NOPCHAP1: variants seen among roughly 807,000 people sequenced by gnomAD.
NOPCHAP1 encodes the protein NOP protein chaperone 1.
Under a neutral mutation model 14.0 loss-of-function variants are expected in NOPCHAP1, and 13 were observed. That is an observed-to-expected ratio of 0.93 (90% CI 0.60 to 1.47). The LOEUF (loss-of-function observed/expected upper bound fraction) is 1.47. NOPCHAP1 is among the 40% of genes most tolerant of loss of function. The pLI is 0.00. For synonymous variants in NOPCHAP1, 78 were observed against 78.4 expected (o/e 1.00, Z 0.03); for missense variants, 230 against 226.9 (o/e 1.01, Z -0.09).
rs774796821 is a variant in NOPCHAP1, at chr12:104,995,847, ATT to A, written c.*1164_*1165del. 5.6e-5 allele frequency: 8 copies of A among 143,452 alleles called. No individual in the cohort carries two copies. Among genetic ancestry groups the A allele is most frequent in the Non-Finnish European group, 1.1e-4 (7 of 65,340 alleles). The allele number at this position is 143,452 out of a possible 1,614,324, so 8.9% of individuals were successfully genotyped here. On this transcript the variant is annotated 3_prime_UTR_variant, in exon 4 of 4. Transcript: ENST00000552951. ...AGGCGCCCACCACCATGCCCGGCTA[ATT>A]TTTTTTTTTTTTGTATTTTTAGTAG...
Position 104,999,918 on chromosome 12 carries a change from T to C in NOPCHAP1, c.*5222T>C, listed in dbSNP as rs1468156571. The C allele has an allele frequency of 6.6e-6, 1 of 152,268 alleles. No individual in the cohort carries two copies. The highest frequency in any genetic ancestry group is 2.4e-5 in the African/African-American group (1 of 41,460). 9.4% of individuals were successfully genotyped at this position (152,268 alleles called of 1,614,324 possible). ...GTGTCTTCCCTTCATCCACTCTCAG[T>C]GCCCTCCCTCTGAAGATCTGCTGGG... On this transcript the variant is annotated 3_prime_UTR_variant, in exon 4 of 4. Transcript: ENST00000552951.
At chr12:104,989,358 T>C (rs1873323989) in intron 2 of NOPCHAP1, among the ~76,000 whole-genome samples, 1 of 152,240 alleles carries the variant, frequency 6.6e-6, no homozygotes, top group African/African-American at 2.4e-5. Flanking sequence ...AGTATTTTGC[T>C]TTCAGTTTTT....
In NOPCHAP1 at chr12:105,014,933, G is replaced by A. The variant is rs965569578; in HGVS notation, c.*20237G>A. ...AGCCTGACTTTTGCTCAGGAAAGAG[G>A]CCTGAGAATTTAAGGACTATCTGTG... On this transcript the variant is annotated 3_prime_UTR_variant, in exon 4 of 4. Coordinates refer to ENST00000552951, the MANE Select transcript of NOPCHAP1 (RefSeq NM_152318.3). 1.3e-5 allele frequency: 2 copies of A among 152,152 alleles called. No homozygotes were observed. The highest frequency in any genetic ancestry group is 2.4e-5 in the African/African-American group (1 of 41,432). 9.4% of individuals were successfully genotyped at this position (152,152 alleles called of 1,614,324 possible).
Position 105,008,020 on chromosome 12 carries a change from A to G in NOPCHAP1, c.*13324A>G, listed in dbSNP as rs1238617975. ...TAATCCTTTGGATATATACCCAGTA[A>G]TGGGATTGCTGGGTTAAATGGTATT... is the stretch of plus-strand genomic sequence containing the variant. On this transcript the variant is annotated 3_prime_UTR_variant, in exon 4 of 4. Transcript: ENST00000552951. 6.6e-6 allele frequency: 1 copy of G among 152,204 alleles called. No homozygotes were observed. Among genetic ancestry groups the G allele is most frequent in the African/African-American group, 2.4e-5 (1 of 41,432 alleles). The allele number at this position is 152,204 out of a possible 1,614,324, so 9.4% of individuals were successfully genotyped here.
In NOPCHAP1 at chr12:105,007,464, A is replaced by C. The variant is rs1873729656; in HGVS notation, c.*12768A>C. ...TGGAAGAAATTCCAACATCACTAGT[A>C]GCACTTTATATGGTTCCTACCTATG... On this transcript the variant is annotated 3_prime_UTR_variant, in exon 4 of 4. Coordinates refer to ENST00000552951, the MANE Select transcript of NOPCHAP1 (RefSeq NM_152318.3). 6.6e-6 allele frequency: 1 copy of C among 152,204 alleles called. No individual in the cohort carries two copies. Among genetic ancestry groups the C allele is most frequent in the Non-Finnish European group, 1.5e-5 (1 of 68,038 alleles). The allele number at this position is 152,204 out of a possible 1,614,324, so 9.4% of individuals were successfully genotyped here. A position where few individuals can be genotyped will look rare whatever the true frequency, so the allele number is the denominator to read the frequency against.
In NOPCHAP1 at chr12:105,005,183, G is replaced by C. The variant is rs1873683660; in HGVS notation, c.*10487G>C. On this transcript the variant is annotated 3_prime_UTR_variant, in exon 4 of 4. Transcript: ENST00000552951. The stretch of plus-strand genomic sequence containing the variant: ...CTTACTCATTTTGTTACCAGTGGAG[G>C]GTCTTGACTCTGAGTTGTTTGACAA... 1 of 152,130 alleles carries C rather than the reference G, an allele frequency of 6.6e-6. No homozygotes were observed. The highest frequency in any genetic ancestry group is 2.1e-4 in the South Asian group (1 of 4,820). 9.4% of individuals were successfully genotyped at this position (152,130 alleles called of 1,614,324 possible). A position where few individuals can be genotyped will look rare whatever the true frequency, so the allele number is the denominator to read the frequency against.
At chr12:104,986,855 A>G (rs2136024455) in intron 1 of NOPCHAP1, among the ~76,000 whole-genome samples, 1 of 152,250 alleles carries the variant, frequency 6.6e-6, no homozygotes, top group South Asian at 2.1e-4. Context: ...AAGCGGAGTA[A>G]TATTATGCTA....
rs1263202574 is a variant in NOPCHAP1, at chr12:105,012,772, G to C, written c.*18076G>C. On this transcript the variant is annotated 3_prime_UTR_variant, in exon 4 of 4. Transcript: ENST00000552951. The stretch of plus-strand genomic sequence containing the variant: ...TGCAGGTCTGCTGGAGTTTGCTGGA[G>C]GTCCACTCCAGACCCTGTTTACCTG... The C allele has an allele frequency of 6.5e-6, 1 of 152,876 alleles. No homozygotes were observed. Among genetic ancestry groups the C allele is most frequent in the Non-Finnish European group, 1.5e-5 (1 of 68,628 alleles). 9.5% of individuals were successfully genotyped at this position (152,876 alleles called of 1,614,324 possible). A position where few individuals can be genotyped will look rare whatever the true frequency, so the allele number is the denominator to read the frequency against.
chr12:105,011,604 G>A lies in NOPCHAP1; in HGVS notation c.*16908G>A, dbSNP rs988814689. 6.6e-6 allele frequency: 1 copy of A among 152,138 alleles called. No individual in the cohort carries two copies. Among genetic ancestry groups the A allele is most frequent in the African/African-American group, 2.4e-5 (1 of 41,420 alleles). The allele number at this position is 152,138 out of a possible 1,614,324, so 9.4% of individuals were successfully genotyped here. A position where few individuals can be genotyped will look rare whatever the true frequency, so the allele number is the denominator to read the frequency against. ...TAGTGTTGATGGTCCTTACAATTTG[G>A]TATGTTTTTGCAGTGGCTAGTGCCA... On this transcript the variant is annotated 3_prime_UTR_variant, in exon 4 of 4. Transcript: ENST00000552951.
At chr12:104,988,441 A>G (rs1270313233) in intron 2 of NOPCHAP1, among the ~76,000 whole-genome samples, 188 bp downstream of exon 2, 3 of 152,220 alleles carry the variant, frequency 2.0e-5, no homozygotes, top group Non-Finnish European at 4.4e-5. Context: ...CTCTACTTTA[A>G]GAGGGTAACT....
chr12:105,014,484 CTG>C lies in NOPCHAP1; in HGVS notation c.*19792_*19793del, dbSNP rs1278832742. ...ATAAGTGGACCCACACAGTTCAAAT[CTG>C]TGTTGTTCAAGTGTCACCTGTATTT... On this transcript the variant is annotated 3_prime_UTR_variant, in exon 4 of 4. Transcript: ENST00000552951. The C allele has an allele frequency of 6.6e-6, 1 of 152,112 alleles. No homozygotes were observed. The allele number at this position is 152,112 out of a possible 1,614,324, so 9.4% of individuals were successfully genotyped here. A position where few individuals can be genotyped will look rare whatever the true frequency, so the allele number is the denominator to read the frequency against.
chr12:105,005,476 T>TA lies in NOPCHAP1; in HGVS notation c.*10781dup, dbSNP rs1458716060. 6.6e-6 allele frequency: 1 copy of TA among 152,244 alleles called. No individual in the cohort carries two copies. The highest frequency in any genetic ancestry group is 1.5e-5 in the Non-Finnish European group (1 of 68,058). 9.4% of individuals were successfully genotyped at this position (152,244 alleles called of 1,614,324 possible). On this transcript the variant is annotated 3_prime_UTR_variant, in exon 4 of 4. Transcript: ENST00000552951. ...AGAGGCTGAAGTGAAGTTACAGAGT[T>TA]ACACCCTATGCAAACATCTGATTGG... is the stretch of plus-strand genomic sequence containing the variant.
rs976145977 is a variant in NOPCHAP1, at chr12:104,992,793, G to A, written c.339+945G>A. 5.3e-5 allele frequency among the ~76,000 whole-genome samples: 8 copies of A among 152,130 alleles called. No homozygotes were observed. The South Asian group carries it at 6.2e-4, about 12-fold the overall frequency. On this transcript the variant is annotated intron_variant, in intron 3 of 3. Coordinates refer to ENST00000552951, the MANE Select transcript of NOPCHAP1 (RefSeq NM_152318.3). ...ATGTAAGGGATCCAGGTTGTTGTGC[G>A]CTCTTTATGAGATTCTAATGCCTGA...
chr12:104,990,190 A>G (rs1313827186), intron 2 of NOPCHAP1, among the ~76,000 whole-genome samples: 2 of 152,186 alleles, frequency 1.3e-5, no homozygotes, highest in African/African-American at 4.8e-5. Context: ...TATTTAATTT[A>G]GAAGAACCAC....
rs1047165165 is a variant in NOPCHAP1 at position 105,001,816 on chromosome 12, G to A, written c.*7120G>A. The A allele has an allele frequency of 6.6e-6, 1 of 152,196 alleles. No homozygotes were observed. Among genetic ancestry groups the A allele is most frequent in the Non-Finnish European group, 1.5e-5 (1 of 68,030 alleles). The allele number at this position is 152,196 out of a possible 1,614,324, so 9.4% of individuals were successfully genotyped here. A position where few individuals can be genotyped will look rare whatever the true frequency, so the allele number is the denominator to read the frequency against. On this transcript the variant is annotated 3_prime_UTR_variant, in exon 4 of 4. Transcript: ENST00000552951. ...AAGGTAGAGTTTATAGTAGATGAAA[G>A]TGGCTCTAGTATCCACCAGAATTGT...
At position 104,995,583 on chromosome 12, in the gene NOPCHAP1, C is replaced by T. The variant is rs768714117; in HGVS notation, c.*887C>T. The T allele has an allele frequency of 6.6e-6, 1 of 152,186 alleles. No individual in the cohort carries two copies. Among genetic ancestry groups the T allele is most frequent in the Non-Finnish European group, 1.5e-5 (1 of 68,060 alleles). The allele number at this position is 152,186 out of a possible 1,614,324, so 9.4% of individuals were successfully genotyped here. A position where few individuals can be genotyped will look rare whatever the true frequency, so the allele number is the denominator to read the frequency against. ...GTCATAAAATAAGATTTTTCCCTAT[C>T]TGTGCATTAGTTTTAAATTCCATAT... On this transcript the variant is annotated 3_prime_UTR_variant, in exon 4 of 4. Transcript: ENST00000552951.
Position 105,011,077 on chromosome 12 carries a change from G to T in NOPCHAP1, c.*16381G>T, listed in dbSNP as rs1017752150. 6.6e-6 allele frequency: 1 copy of T among 152,198 alleles called. No individual in the cohort carries two copies. Among genetic ancestry groups the T allele is most frequent in the Non-Finnish European group, 1.5e-5 (1 of 68,042 alleles). 9.4% of individuals were successfully genotyped at this position (152,198 alleles called of 1,614,324 possible). A position where few individuals can be genotyped will look rare whatever the true frequency, so the allele number is the denominator to read the frequency against. On this transcript the variant is annotated 3_prime_UTR_variant, in exon 4 of 4. Transcript: ENST00000552951. ...ATCTATCTAATACTGACAGTGGGGTGTTAAAGTCTCCCACTATTATTGTGT... is the reference window on the plus strand; with the variant it reads ...ATCTATCTAATACTGACAGTGGGGTTTTAAAGTCTCCCACTATTATTGTGT...
rs901470948 is a variant in NOPCHAP1, at chr12:105,003,298, C to T, written c.*8602C>T. The T allele has an allele frequency of 6.6e-6, 1 of 152,072 alleles. No homozygotes were observed. Among genetic ancestry groups the T allele is most frequent in the African/African-American group, 2.4e-5 (1 of 41,408 alleles). The allele number at this position is 152,072 out of a possible 1,614,324, so 9.4% of individuals were successfully genotyped here. ...CATTTTTCTAGAAAAGCAACATGCC[C>T]TGAGTCTGTAGTTCTTATACACGAA... On this transcript the variant is annotated 3_prime_UTR_variant, in exon 4 of 4. Transcript: ENST00000552951.
In NOPCHAP1 at chr12:104,988,049, A is replaced by T. The variant is rs551854755; in HGVS notation, c.116-118A>T. The stretch of plus-strand genomic sequence containing the variant: ...CTTGGAGTTCTCCTTTAAAAAAAAA[A>T]TTTTGGGGGAGTGTGGACAGTCAAG... On this transcript the variant is annotated intron_variant, in intron 1 of 3. Coordinates refer to ENST00000552951, the MANE Select transcript of NOPCHAP1 (RefSeq NM_152318.3). 5.8e-4 allele frequency: 387 copies of T among 664,378 alleles called. 2 individuals carry two copies. The highest frequency in any genetic ancestry group is 5.2e-3 in the Middle Eastern group (12 of 2,322). The allele number at this position is 664,378 out of a possible 1,614,324, so 41.2% of individuals were successfully genotyped here.
Sources: gnomAD v4.1 joint callset for allele counts (sites outside exome capture counted in the v4.1 genomes callset) on GRCh38, gnomAD v4.1.1 for gene constraint, MANE v1.5 for transcripts, NCBI Gene and HGNC (gene_info 2026-07-23, HGNC 2026-07-21) for gene names.